The following TMBIM4 variants were observed in gnomAD, a reference collection of about 807,000 sequenced individuals.
The protein encoded by TMBIM4 is protein lifeguard 4.
A neutral mutation model predicts 27.7 loss-of-function variants in TMBIM4; 28 were observed. The observed-to-expected ratio is 1.01, with a 90% CI of 0.75 to 1.38. TMBIM4 has a LOEUF of 1.38. Among genes scored for constraint, TMBIM4 ranks in the 40% most tolerant of loss-of-function variants. The pLI is 0.00. For missense variants in TMBIM4, 265 were observed against 277.5 expected, an observed-to-expected ratio of 0.95 and a Z score of 0.32; for synonymous variants, 115 against 113.1, an observed-to-expected ratio of 1.02 and a Z score of -0.11.
chr12:66,160,235 A>G, intron 1 of TMBIM4: 2 of 703,346 alleles, frequency 2.8e-6, no homozygotes, highest in Non-Finnish European at 5.2e-6. Context: ...ATCTGATGAT[A>G]TTCAGTGTGG....
intron 5 of TMBIM4, among the ~76,000 whole-genome samples, chr12:66,139,430 T>G (rs1054136974): frequency 6.6e-6 from 1 of 152,144 alleles, no homozygotes; most frequent in African/African-American, 2.4e-5. Flanking sequence ...AGACAAAATA[T>G]ATGAAACAAC....
At chr12:66,168,499 A>C (rs750458009) in intron 1 of TMBIM4, among the ~76,000 whole-genome samples, 1 of 152,190 alleles carries the variant, frequency 6.6e-6, no homozygotes, top group Non-Finnish European at 1.5e-5. Flanking sequence ...TAGATATTTT[A>C]AGTTCAGCCT....
At chr12:66,157,081 T>C (rs1238869202) in intron 1 of TMBIM4, among the ~76,000 whole-genome samples, 2 of 152,074 alleles carry the variant, frequency 1.3e-5, no homozygotes, top group Non-Finnish European at 2.9e-5. Flanking sequence ...ATGCCACAAA[T>C]ATACTATATA....
At chr12:66,141,017 C>G (rs1047640100) in intron 5 of TMBIM4, among the ~76,000 whole-genome samples, 2 of 151,990 alleles carry the variant, frequency 1.3e-5, no homozygotes, top group Non-Finnish European at 2.9e-5. Context: ...AACCCAAAAC[C>G]TAGAATCTTA....
In TMBIM4 at chr12:66,169,790, T is replaced by C. The variant is rs1592561953; in HGVS notation, c.97+65A>G. On this transcript the variant is annotated intron_variant, in intron 1 of 6. Transcript: ENST00000358230. The stretch of plus-strand genomic sequence containing the variant: ...GCCGCTCTCCCTCGGAAGCCGGAAG[T>C]CGGCTTCTAGAGGCCGAGCAGTGCA... The C allele has an allele frequency of 3.9e-6, 5 of 1,287,380 alleles. No individual in the cohort carries two copies. The African/African-American group carries it at 6.3e-5, about 16-fold the overall frequency. 79.7% of individuals were successfully genotyped at this position (1,287,380 alleles called of 1,614,324 possible).
Position 66,137,315 on chromosome 12 carries a change from G to A in TMBIM4, c.*645C>T, listed in dbSNP as rs1358225399. ...AATTTAGATAAAATCACTAGACAAC[G>A]GTAAACTGATATTCTTATCTACTCA... On this transcript the variant is annotated 3_prime_UTR_variant, in exon 7 of 7. Coordinates refer to ENST00000358230, the MANE Select transcript of TMBIM4 (RefSeq NM_016056.4). 1.3e-5 allele frequency: 2 copies of A among 151,952 alleles called. No homozygotes were observed. Among genetic ancestry groups the A allele is most frequent in the Admixed American group, 1.3e-4 (2 of 15,260 alleles). The allele number at this position is 151,952 out of a possible 1,614,324, so 9.4% of individuals were successfully genotyped here.
intron 1 of TMBIM4, among the ~76,000 whole-genome samples, chr12:66,167,047 G>A (rs2052143376): frequency 6.6e-6 from 1 of 152,202 alleles, no homozygotes; most frequent in Non-Finnish European, 1.5e-5. Context: ...AAGGTTACAT[G>A]ATAATTCCAA....
intron 1 of TMBIM4, among the ~76,000 whole-genome samples, chr12:66,163,463 C>T (rs915277599): frequency 1.3e-5 from 2 of 152,080 alleles, no homozygotes; most frequent in Admixed American, 1.3e-4. Flanking sequence ...AACTTACAAT[C>T]ATGGTGGAAG....
chr12:66,169,294 G>C (rs974797065), intron 1 of TMBIM4: 5 of 698,138 alleles, frequency 7.2e-6, no homozygotes, highest in African/African-American at 1.8e-5. Context: ...ACTGACTTAG[G>C]AAGCTTCTGT....
intron 1 of TMBIM4, among the ~76,000 whole-genome samples, chr12:66,166,073 T>A (rs1457401682): frequency 1.3e-5 from 2 of 152,230 alleles, no homozygotes; most frequent in Non-Finnish European, 2.9e-5. Context: ...TTTTTTGAGG[T>A]AATTTTTGTA....
chr12:66,138,242 G>T, intron 6 of TMBIM4, 76 bp from the exon 7 acceptor site: 1 of 1,520,568 alleles, frequency 6.6e-7, no homozygotes, highest in South Asian at 1.3e-5. Flanking sequence ...TTCCTCTAAT[G>T]ATTTACTGCT....
In TMBIM4 at chr12:66,153,457, G is replaced by T. The variant is rs1225908373; in HGVS notation, c.98-9C>A. ...GACTTTTCTCAGAAAGGCTAAAAGA[G>T]AAAAAAAATTACATTACTATTTTCT... On this transcript the variant is annotated splice_polypyrimidine_tract_variant and intron_variant, in intron 1 of 6. Transcript: ENST00000358230. The T allele has an allele frequency of 6.9e-7, 1 of 1,452,670 alleles. No homozygotes were observed. Among genetic ancestry groups the T allele is most frequent in the Admixed American group, 2.3e-5 (1 of 44,326 alleles). 90.0% of individuals were successfully genotyped at this position (1,452,670 alleles called of 1,614,324 possible).
chr12:66,138,976 C>T (rs2051622912), intron 5 of TMBIM4: 3 of 678,232 alleles, frequency 4.4e-6, no homozygotes, highest in South Asian at 4.8e-5. Context: ...ATTTATTCAA[C>T]ATTTGTCTTT....
At chr12:66,140,480 A>G (rs1035298806) in intron 5 of TMBIM4, among the ~76,000 whole-genome samples, 1 of 152,184 alleles carries the variant, frequency 6.6e-6, no homozygotes, top group Admixed American at 6.5e-5. Context: ...AAAACAAACA[A>G]ACAAAAAAAA....
At chr12:66,154,159 C>G (rs999923103) in intron 1 of TMBIM4, among the ~76,000 whole-genome samples, 7 of 152,178 alleles carry the variant, frequency 4.6e-5, no homozygotes, top group Admixed American at 3.9e-4. Context: ...CAGTTCCCAC[C>G]TTCTCTCTGT....
chr12:66,160,866 C>CTGCCGCCT (rs2052024541), intron 1 of TMBIM4, among the ~76,000 whole-genome samples: 1 of 150,972 alleles, frequency 6.6e-6, no homozygotes. Flanking sequence ...TCCTCACATT[C>CTGCCGCCT]CAGATGGGGC....
chr12:66,153,413 G>A lies in TMBIM4; in HGVS notation c.133C>T (p.Gln45Ter), dbSNP rs2051883565. 6.3e-7 allele frequency: 1 copy of A among 1,599,198 alleles called. No individual in the cohort carries two copies. The highest frequency in any genetic ancestry group is 8.5e-7 in the Non-Finnish European group (1 of 1,174,942). ...LRKVYSILSL[Q>*]VLLTTVTSTV... is the part of the protein sequence containing the mutation. ...GAAGTCACTGTAGTTAAGAGAACCT[G>A]CAGAGAAAGAATGCTGTAGACTTTT... Residue 45 changes from glutamine (Q) to a stop codon, truncating the protein, a stop_gained, in exon 2 of 7, where the codon CAG (glutamine) becomes TAG (stop). Transcript: ENST00000358230. LOFTEE classifies it high-confidence loss of function.
In TMBIM4 at chr12:66,137,764, TATC is replaced by T; in HGVS notation, c.*193_*195del. On this transcript the variant is annotated 3_prime_UTR_variant, in exon 7 of 7. Transcript: ENST00000358230. ...CTAAATCAAGGATTTAGAAATGAGG[TATC>T]ATAAAGAATAGTAAGATTTTAAAGC... The T allele has an allele frequency of 1.9e-6, 1 of 535,734 alleles. No individual in the cohort carries two copies. The highest frequency in any genetic ancestry group is 1.9e-5 in the African/African-American group (1 of 52,358). The allele number at this position is 535,734 out of a possible 1,614,324, so 33.2% of individuals were successfully genotyped here. A position where few individuals can be genotyped will look rare whatever the true frequency, so the allele number is the denominator to read the frequency against.
chr12:66,149,711 C>T (rs1054078667), intron 3 of TMBIM4, among the ~76,000 whole-genome samples: 1 of 152,004 alleles, frequency 6.6e-6, no homozygotes, highest in Non-Finnish European at 1.5e-5. Context: ...TTGAAAATAT[C>T]GTAAGTAAAA....
Sources: gnomAD v4.1 joint callset for allele counts (sites outside exome capture counted in the v4.1 genomes callset) on GRCh38, gnomAD v4.1.1 for gene constraint, MANE v1.5 for transcripts, NCBI Gene and HGNC (gene_info 2026-07-23, HGNC 2026-07-21) for gene names.